Variants in EPHA6 observed in about 807,000 individuals in gnomAD.
The protein encoded by EPHA6 is ephrin type-A receptor 6.
EPHA6 carries 50 observed loss-of-function variants against 112.0 expected under a neutral mutation model. The observed-to-expected ratio is 0.45, with a 90% CI of 0.36 to 0.56. EPHA6 has a LOEUF of 0.56. Ranked by LOEUF, EPHA6 falls within the 20% of genes least tolerant of loss-of-function variation. EPHA6 has a pLI of 0.00. For missense variants in EPHA6, 1,280 were observed against 1,417.4 expected, an observed-to-expected ratio of 0.90 and a Z score of 1.56; for synonymous variants, 529 against 490.7, an observed-to-expected ratio of 1.08 and a Z score of -1.03.
chr3:96,954,669 A>G (rs1052278179), intron 2 of EPHA6, among the ~76,000 whole-genome samples: 20 of 151,826 alleles, frequency 1.3e-4, no homozygotes, highest in African/African-American at 4.6e-4. Flanking sequence ...CTTTTCACCA[A>G]TGATAGTTTT....
At chr3:97,418,164 CAATA>C (rs1181859960) in intron 6 of EPHA6, among the ~76,000 whole-genome samples, 2 of 150,880 alleles carry the variant, frequency 1.3e-5, no homozygotes, top group African/African-American at 2.4e-5. Flanking sequence ...AGAAAAAACT[CAATA>C]AATAGATACA....
intron 12 of EPHA6, among the ~76,000 whole-genome samples, chr3:97,607,715 C>T (rs1197854311): frequency 6.6e-6 from 1 of 150,996 alleles, no homozygotes; most frequent in South Asian, 2.1e-4. Context: ...GATGCAAATA[C>T]TAAGATGATT....
At chr3:97,424,121 T>G (rs1198964244) in intron 6 of EPHA6, among the ~76,000 whole-genome samples, 1 of 152,218 alleles carries the variant, frequency 6.6e-6, no homozygotes, top group Non-Finnish European at 1.5e-5. Context: ...AGCAAAGTTA[T>G]GTCTTACATG....
chr3:97,657,900 T>G (rs771422174), intron 14 of EPHA6, among the ~76,000 whole-genome samples: 26 of 151,830 alleles, frequency 1.7e-4, no homozygotes, highest in Admixed American at 5.3e-4. Context: ...CTTGATTAAC[T>G]GCCCTACTAC....
At chr3:97,184,625 C>A (rs1023105158) in intron 3 of EPHA6, among the ~76,000 whole-genome samples, 6 of 152,038 alleles carry the variant, frequency 3.9e-5, no homozygotes, top group African/African-American at 1.4e-4. Flanking sequence ...ATATCGTGAA[C>A]ATGGCCATAC....
intron 3 of EPHA6, among the ~76,000 whole-genome samples, chr3:97,112,083 T>C (rs934163867): frequency 6.6e-6 from 1 of 152,176 alleles, no homozygotes; most frequent in African/African-American, 2.4e-5. Context: ...CTTAAAATTA[T>C]CTTAACAATG....
intron 5 of EPHA6, among the ~76,000 whole-genome samples, chr3:97,402,017 G>T (rs1289089301): frequency 3.3e-5 from 5 of 151,960 alleles, no homozygotes; most frequent in African/African-American, 1.2e-4. Context: ...GATCGGAAAA[G>T]ACACTTAATA....
intron 5 of EPHA6, among the ~76,000 whole-genome samples, chr3:97,294,873 A>G (rs757137258): frequency 1.3e-5 from 2 of 152,116 alleles, no homozygotes; most frequent in Non-Finnish European, 2.9e-5. Context: ...TGCTGGGTAT[A>G]TTATTCTTTC....
intron 5 of EPHA6, among the ~76,000 whole-genome samples, chr3:97,336,110 A>G (rs1316751667): frequency 1.3e-5 from 2 of 152,146 alleles, no homozygotes; most frequent in Admixed American, 1.3e-4. Context: ...CTCCAGTTGC[A>G]TGACTCCTAA....
At chr3:97,714,618 G>T (rs367906053) in intron 14 of EPHA6, among the ~76,000 whole-genome samples, 55 of 152,310 alleles carry the variant, frequency 3.6e-4, no homozygotes, top group African/African-American at 1.3e-3. Flanking sequence ...ACGAGAGATG[G>T]ATTTCTTTCT....
chr3:97,356,774 C>T (rs573269864), intron 5 of EPHA6, among the ~76,000 whole-genome samples: 25 of 152,188 alleles, frequency 1.6e-4, no homozygotes, highest in African/African-American at 5.8e-4. Context: ...TTATATGCTC[C>T]TGTTGTTGCT....
chr3:97,178,187 C>T (rs1450426770), intron 3 of EPHA6, among the ~76,000 whole-genome samples: 1 of 150,962 alleles, frequency 6.6e-6, no homozygotes, highest in Middle Eastern at 3.2e-3. Flanking sequence ...AACAATTTAA[C>T]ACTATTTGCA....
intron 3 of EPHA6, among the ~76,000 whole-genome samples, chr3:97,029,326 A>C (rs975643053): frequency 1.3e-5 from 2 of 151,676 alleles, no homozygotes; most frequent in Non-Finnish European, 2.9e-5. Flanking sequence ...AAAATTTTAA[A>C]AGTTTAAATC....
intron 5 of EPHA6, among the ~76,000 whole-genome samples, chr3:97,339,597 T>A (rs2083211336): frequency 6.6e-6 from 1 of 152,206 alleles, no homozygotes; most frequent in Non-Finnish European, 1.5e-5. Flanking sequence ...AGTTACCTTG[T>A]GTCTCTGTGA....
chr3:97,013,550 A>G (rs548932529), intron 3 of EPHA6, among the ~76,000 whole-genome samples: 2 of 152,268 alleles, frequency 1.3e-5, no homozygotes, highest in East Asian at 3.9e-4. Context: ...TCTGTGTCAA[A>G]CAATACATAA....
intron 14 of EPHA6, among the ~76,000 whole-genome samples, chr3:97,693,483 A>G (rs958286018): frequency 1.3e-5 from 2 of 152,250 alleles, no homozygotes; most frequent in Non-Finnish European, 2.9e-5. Context: ...AAGTGATTGC[A>G]TCAAGAACAT....
At chr3:97,473,823 T>C (rs1190687200) in intron 7 of EPHA6, among the ~76,000 whole-genome samples, 1 of 151,840 alleles carries the variant, frequency 6.6e-6, no homozygotes. Flanking sequence ...ACATTATTTA[T>C]TGGATAAGAT....
At chr3:97,746,923 C>T (rs1299788315) in intron 16 of EPHA6, among the ~76,000 whole-genome samples, 2 of 151,784 alleles carry the variant, frequency 1.3e-5, no homozygotes, top group African/African-American at 4.8e-5. Flanking sequence ...GAAGTTTGAT[C>T]AATGAATTCA....
chr3:97,573,451 A>C (rs905853863), intron 11 of EPHA6, among the ~76,000 whole-genome samples: 2 of 152,156 alleles, frequency 1.3e-5, no homozygotes, highest in African/African-American at 4.8e-5. Context: ...GTTCTTTTAT[A>C]GTCTACTCTG....
Sources: gnomAD v4.1 joint callset for allele counts (sites outside exome capture counted in the v4.1 genomes callset) on GRCh38, gnomAD v4.1.1 for gene constraint, MANE v1.5 for transcripts, NCBI Gene and HGNC (gene_info 2026-07-23, HGNC 2026-07-21) for gene names.